Variants in SLC15A4 observed in about 807,000 individuals in gnomAD.
SLC15A4 encodes solute carrier family 15 member 4.
A neutral mutation model predicts 46.1 loss-of-function variants in SLC15A4; 26 were observed. The ratio of observed to expected loss-of-function variants is 0.56; its 90% CI spans 0.41 to 0.78. SLC15A4 has a LOEUF of 0.78. Ranked by LOEUF, SLC15A4 falls within the 30% of genes least tolerant of loss-of-function variation. SLC15A4 has a pLI of 0.00. For missense variants in SLC15A4, 751 were observed against 755.7 expected, an observed-to-expected ratio of 0.99 and a Z score of 0.07; for synonymous variants, 370 against 333.4, an observed-to-expected ratio of 1.11 and a Z score of -1.20.
chr12:128,806,503 A>T (rs1955591382), intron 5 of SLC15A4, among the ~76,000 whole-genome samples: 1 of 152,236 alleles, frequency 6.6e-6, no homozygotes, highest in Admixed American at 6.5e-5. Flanking sequence ...GATGGTTTCA[A>T]ATCTCTACTC....
In SLC15A4 at chr12:128,809,998, A is replaced by C. The variant is rs778186540; in HGVS notation, c.956T>G (p.Val319Gly). 4.3e-6 allele frequency: 7 copies of C among 1,614,094 alleles called. No individual in the cohort carries two copies. The highest frequency in any genetic ancestry group is 5.9e-6 in the Non-Finnish European group (7 of 1,180,044). ...AGCCAAGAAAACAGGGACAATCTTGACCAGAGCTTTCACATCTTCCACTTT... is the reference window on the plus strand; with the variant it reads ...AGCCAAGAAAACAGGGACAATCTTGCCCAGAGCTTTCACATCTTCCACTTT... The part of the protein sequence containing the change: ...EEKVEDVKAL[V>G]KIVPVFLALI... Residue 319 changes from valine to glycine, a missense_variant, in exon 3 of 8, where the codon GTC (valine) becomes GGC (glycine). Coordinates refer to ENST00000266771, the MANE Select transcript of SLC15A4 (RefSeq NM_145648.4).
chr12:128,809,206 T>A, intron 4 of SLC15A4, 190 bp downstream of exon 4: 1 of 590,970 alleles, frequency 1.7e-6, no homozygotes. Context: ...TTGATGTTAG[T>A]CAACCTAATC....
intron 1 of SLC15A4, among the ~76,000 whole-genome samples, chr12:128,816,189 TG>T (rs1955749026): frequency 6.6e-6 from 1 of 152,136 alleles, no homozygotes; most frequent in Non-Finnish European, 1.5e-5. Flanking sequence ...GCTACTTCAA[TG>T]GAGCCCAAGC....
chr12:128,809,819 A>G (rs1955634066), intron 3 of SLC15A4, 124 bp downstream of exon 3: 2 of 978,848 alleles, frequency 2.0e-6, no homozygotes, highest in Non-Finnish European at 2.9e-6. Context: ...AAATTCCAAG[A>G]TTCTGTAGAC....
In SLC15A4 at chr12:128,800,932, C is replaced by T. The variant is rs1223550451; in HGVS notation, c.1336G>A (p.Ala446Thr). 6.2e-6 allele frequency: 10 copies of T among 1,614,078 alleles called. No homozygotes were observed. The highest frequency in any genetic ancestry group is 7.6e-6 in the Non-Finnish European group (9 of 1,180,050). The change falls in exon 6 of 8, where the codon GCT becomes ACT. Residue 446 changes from alanine to threonine, a missense_variant. By Grantham distance (58) the Ala-to-Thr change is moderately conservative. Coordinates refer to ENST00000266771, the MANE Select transcript of SLC15A4 (RefSeq NM_145648.4). ...NQTIGNVVYHAADLSLWWQVP... is the reference protein window; with the variant it reads ...NQTIGNVVYHTADLSLWWQVP... ...TGCCACCACAGCGACAGATCGGCAG[C>T]ATGGTAGACGACGTTGCCGATGGTC...
At chr12:128,800,205 C>T (rs183250492) in intron 6 of SLC15A4, among the ~76,000 whole-genome samples, 34 of 152,228 alleles carry the variant, frequency 2.2e-4, no homozygotes, top group Middle Eastern at 6.8e-3. Flanking sequence ...TAACTAGACA[C>T]GGAGATTTGT....
chr12:128,809,535 T>A lies in SLC15A4; in HGVS notation c.1012-62A>T, dbSNP rs546262038. On this transcript the variant is annotated intron_variant, in intron 3 of 7. Coordinates refer to ENST00000266771, the MANE Select transcript of SLC15A4 (RefSeq NM_145648.4). ...ACTGTGCTCTCAAACACTCTAAGCATCCTGCCCCTCCCCTAAGCTAGACTC... is the reference window on the plus strand; with the variant it reads ...ACTGTGCTCTCAAACACTCTAAGCAACCTGCCCCTCCCCTAAGCTAGACTC... 21 of 1,004,154 alleles carry A rather than the reference T, an allele frequency of 2.1e-5. No homozygotes were observed. The South Asian group carries it at 3.1e-4, about 15-fold the overall frequency. 62.2% of individuals were successfully genotyped at this position (1,004,154 alleles called of 1,614,324 possible).
In SLC15A4 at chr12:128,794,047, T is replaced by C. The variant is rs1955416449; in HGVS notation, c.*149A>G. 5.0e-6 allele frequency: 4 copies of C among 796,954 alleles called. No individual in the cohort carries two copies. The highest frequency in any genetic ancestry group is 7.7e-6 in the Non-Finnish European group (4 of 517,502). 49.4% of individuals were successfully genotyped at this position (796,954 alleles called of 1,614,324 possible). ...AAGGCACTTACCAAGCTCCTTTGGA[T>C]AGAGGGAAAGAAGAAATCAATCCAG... On this transcript the variant is annotated 3_prime_UTR_variant, in exon 8 of 8. Coordinates refer to ENST00000266771, the MANE Select transcript of SLC15A4 (RefSeq NM_145648.4).
chr12:128,804,368 A>G (rs1419309509), intron 5 of SLC15A4, among the ~76,000 whole-genome samples: 1 of 152,258 alleles, frequency 6.6e-6, no homozygotes, highest in South Asian at 2.1e-4. Context: ...AGAACTGACC[A>G]AAGTAGTAAT....
chr12:128,794,093 A>G lies in SLC15A4; in HGVS notation c.*103T>C. The G allele has an allele frequency of 8.7e-7, 1 of 1,146,234 alleles. No homozygotes were observed. Among genetic ancestry groups the G allele is most frequent in the African/African-American group, 1.6e-5 (1 of 64,368 alleles). 71.0% of individuals were successfully genotyped at this position (1,146,234 alleles called of 1,614,324 possible). ...TCCAGGCAACATGCAAGTTTCAGTG[A>G]AGTCAGACATTTTATGGGAATTTAA... On this transcript the variant is annotated 3_prime_UTR_variant, in exon 8 of 8. Transcript: ENST00000266771.
At chr12:128,807,269 A>G (rs1955600915) in intron 5 of SLC15A4, among the ~76,000 whole-genome samples, 2 of 152,192 alleles carry the variant, frequency 1.3e-5, no homozygotes, top group Admixed American at 1.3e-4. Context: ...CTGGTCTGGC[A>G]CTTGTATCCT....
chr12:128,802,283 C>T (rs1214659764), intron 5 of SLC15A4, among the ~76,000 whole-genome samples: 1 of 152,140 alleles, frequency 6.6e-6, no homozygotes, highest in Non-Finnish European at 1.5e-5. Context: ...CAGCCTTCCT[C>T]CCGACAGGGC....
intron 7 of SLC15A4, among the ~76,000 whole-genome samples, chr12:128,798,653 G>C (rs1955476991): frequency 6.6e-6 from 1 of 152,206 alleles, no homozygotes; most frequent in African/African-American, 2.4e-5. Context: ...ACCTTCGCTT[G>C]CTGGGTCCAT....
intron 6 of SLC15A4, among the ~76,000 whole-genome samples, chr12:128,800,502 C>T (rs562367508): frequency 4.4e-4 from 67 of 152,362 alleles, no homozygotes; most frequent in African/African-American, 6.0e-4. Flanking sequence ...TACATCTAAA[C>T]GAAGCGCACT....
At chr12:128,803,203 A>G (rs749547418) in intron 5 of SLC15A4, among the ~76,000 whole-genome samples, 1 of 152,262 alleles carries the variant, frequency 6.6e-6, no homozygotes, top group Non-Finnish European at 1.5e-5. Context: ...TATTACGGTT[A>G]ATACACAGAA....
intron 7 of SLC15A4, among the ~76,000 whole-genome samples, chr12:128,797,834 C>T (rs1327250332): frequency 1.3e-5 from 2 of 152,232 alleles, no homozygotes; most frequent in African/African-American, 4.8e-5. Flanking sequence ...GGCTGCTCGA[C>T]AGATGAGCTC....
At chr12:128,822,678 ACTAG>A (rs1410673216) in intron 1 of SLC15A4, among the ~76,000 whole-genome samples, 1 of 151,822 alleles carries the variant, frequency 6.6e-6, no homozygotes, top group African/African-American at 2.4e-5. Flanking sequence ...CAGCCTCCCG[ACTAG>A]CTGAGAGAAC....
In SLC15A4 at chr12:128,819,163, G is replaced by A. The variant is rs184732122; in HGVS notation, c.547-4093C>T. On this transcript the variant is annotated intron_variant, in intron 1 of 7. Transcript: ENST00000266771. Reference sequence around the variant, plus strand: ...TCACGCCTGTAATCCCAGAACTTTGGGAGGCCGAGGCAGGTGGATCACCTG... The same window carrying A: ...TCACGCCTGTAATCCCAGAACTTTGAGAGGCCGAGGCAGGTGGATCACCTG... Among the ~76,000 whole-genome samples, 270 of 152,252 alleles carry A rather than the reference G, an allele frequency of 1.8e-3. 2 individuals carry two copies. The highest frequency in any genetic ancestry group is 2.9e-3 in the Admixed American group (45 of 15,294).
Position 128,809,385 on chromosome 12 carries a change from A to G in SLC15A4, c.1089+11T>C, listed in dbSNP as rs2135713800. On this transcript the variant is annotated intron_variant, in intron 4 of 7. Coordinates refer to ENST00000266771, the MANE Select transcript of SLC15A4 (RefSeq NM_145648.4). ...AAATAACAATGTTCAGATCATTACA[A>G]TTGTTCTTACCGTGTGAGGAGTGGT... 2 of 1,555,812 alleles carry G rather than the reference A, an allele frequency of 1.3e-6. No homozygotes were observed. The highest frequency in any genetic ancestry group is 2.2e-5 in the East Asian group (1 of 44,534).
Sources: gnomAD v4.1 joint callset for allele counts (sites outside exome capture counted in the v4.1 genomes callset) on GRCh38, gnomAD v4.1.1 for gene constraint, MANE v1.5 for transcripts, NCBI Gene and HGNC (gene_info 2026-07-23, HGNC 2026-07-21) for gene names.